COMMD6: variants seen among roughly 807,000 people sequenced by gnomAD.
COMMD6 encodes the protein COMM domain containing 6, also known as COMM domain-containing protein 6.
In COMMD6, 11 loss-of-function variants were observed where a neutral mutation model predicts 13.4. The observed-to-expected ratio is 0.82, with a 90% CI of 0.52 to 1.36. COMMD6 has a LOEUF of 1.36. COMMD6 is among the 40% of genes most tolerant of loss of function. COMMD6 has a pLI of 0.00. For synonymous variants in COMMD6, 43 were observed against 36.5 expected (o/e 1.18, Z -0.64); for missense variants, 124 against 102.4 (o/e 1.21, Z -0.91).
rs1031085734 is a variant in COMMD6 at position 75,526,532 on chromosome 13, G to A, written c.*57C>T. On this transcript the variant is annotated 3_prime_UTR_variant, in exon 4 of 4. Transcript: ENST00000682242. Reference sequence around the variant, plus strand: ...TCCATCCTTATTTAGTTTTGTTGCCGAAAGTGAAGTCCATGACTTTAGAAT... The same window carrying A: ...TCCATCCTTATTTAGTTTTGTTGCCAAAAGTGAAGTCCATGACTTTAGAAT... 1.8e-5 allele frequency: 21 copies of A among 1,188,626 alleles called. No individual in the cohort carries two copies. Among genetic ancestry groups the A allele is most frequent in the Middle Eastern group, 2.0e-4 (1 of 4,984 alleles). The allele number at this position is 1,188,626 out of a possible 1,614,324, so 73.6% of individuals were successfully genotyped here.
intron 2 of COMMD6, among the ~76,000 whole-genome samples, chr13:75,534,879 G>C (rs1006171139): frequency 2.6e-5 from 4 of 152,198 alleles, no homozygotes; most frequent in African/African-American, 9.7e-5. Flanking sequence ...TTGAGTAAGA[G>C]AGGGAGGCCT....
intron 1 of COMMD6, among the ~76,000 whole-genome samples, chr13:75,545,079 A>G (rs928022985): frequency 2.6e-5 from 4 of 152,242 alleles, no homozygotes; most frequent in African/African-American, 9.6e-5. Flanking sequence ...GTATGTTTTC[A>G]AGCACTGCCA....
upstream of COMMD6, among the ~76,000 whole-genome samples, chr13:75,541,161 T>TA (rs1566201908): frequency 6.6e-6 from 1 of 152,058 alleles, no homozygotes; most frequent in Non-Finnish European, 1.5e-5. Context: ...TGGTTGGTTT[T>TA]AAAAAAAATC....
In COMMD6 at chr13:75,531,806, T is replaced by C. The variant is rs192113441; in HGVS notation, c.55-1540A>G. Among the ~76,000 whole-genome samples the C allele has an allele frequency of 5.9e-4, 90 of 152,356 alleles. 1 individual carries two copies. The highest frequency in any genetic ancestry group is 3.6e-3 in the Admixed American group (55 of 15,306). ...AATCTATCAAAGAGCTGACTTTAGCTAGTAAAACTGAAGCTCTGCATACTG... is the reference window on the plus strand; with the variant it reads ...AATCTATCAAAGAGCTGACTTTAGCCAGTAAAACTGAAGCTCTGCATACTG... On this transcript the variant is annotated intron_variant, in intron 2 of 3. Transcript: ENST00000682242.
At chr13:75,537,274 G>A (rs894789577) in intron 2 of COMMD6, 41 of 1,497,754 alleles carry the variant, frequency 2.7e-5, no homozygotes, top group Non-Finnish European at 3.7e-5. Context: ...ACTCTAAAAG[G>A]CTAAAATGCT....
intron 2 of COMMD6, among the ~76,000 whole-genome samples, chr13:75,537,146 T>C (rs910521024): frequency 6.6e-6 from 1 of 152,260 alleles, no homozygotes; most frequent in African/African-American, 2.4e-5. Flanking sequence ...AAGTGTGTTA[T>C]AAATTATTTG....
chr13:75,531,536 T>G (rs1426262623), intron 2 of COMMD6, among the ~76,000 whole-genome samples: 1 of 152,114 alleles, frequency 6.6e-6, no homozygotes, highest in Non-Finnish European at 1.5e-5. Flanking sequence ...TTGAATAAAT[T>G]CATTTTAAAG....
upstream of COMMD6, among the ~76,000 whole-genome samples, chr13:75,540,513 G>A (rs2030812184): frequency 6.6e-6 from 1 of 152,128 alleles, no homozygotes; most frequent in Non-Finnish European, 1.5e-5. Context: ...CAACATGAGT[G>A]CACTTCAAAA....
chr13:75,528,763 A>C (rs920013159), intron 3 of COMMD6, among the ~76,000 whole-genome samples: 1 of 151,748 alleles, frequency 6.6e-6, no homozygotes, highest in Non-Finnish European at 1.5e-5. Context: ...CATCGCTTGA[A>C]CCCAGGAGGC....
chr13:75,533,773 T>A (rs922673693), intron 2 of COMMD6, among the ~76,000 whole-genome samples: 1 of 152,028 alleles, frequency 6.6e-6, no homozygotes, highest in African/African-American at 2.4e-5. Flanking sequence ...TTATAAAAAA[T>A]TGAGCTTGGA....
At chr13:75,529,809 C>T (rs1000600234) in intron 3 of COMMD6, 42 of 216,932 alleles carry the variant, frequency 1.9e-4, no homozygotes, top group Admixed American at 1.7e-4. Flanking sequence ...AAGAATAAAA[C>T]ATTTAAATGC....
chr13:75,547,360 T>G (rs1414019494), intron 1 of COMMD6, among the ~76,000 whole-genome samples: 1 of 152,210 alleles, frequency 6.6e-6, no homozygotes, highest in African/African-American at 2.4e-5. Flanking sequence ...CCACGACAAC[T>G]TTGTGAGTAT....
chr13:75,531,309 TTCC>T (rs2138415115), intron 2 of COMMD6, among the ~76,000 whole-genome samples: 1 of 152,282 alleles, frequency 6.6e-6, no homozygotes, highest in East Asian at 1.9e-4. Context: ...AATAGAATGG[TTCC>T]CAAGTGTGCC....
At chr13:75,527,863 T>TG in intron 3 of COMMD6, 2 of 1,499,770 alleles carry the variant, frequency 1.3e-6, no homozygotes, top group Non-Finnish European at 1.8e-6. Context: ...TGGGGGTCAA[T>TG]GGGGAAATGT....
upstream of COMMD6, among the ~76,000 whole-genome samples, chr13:75,543,369 A>G (rs1051882370): frequency 1.3e-5 from 2 of 152,036 alleles, no homozygotes; most frequent in Non-Finnish European, 2.9e-5. Flanking sequence ...AGGAAAGAAA[A>G]TGGACTCTCC....
At position 75,537,429 on chromosome 13, in the gene COMMD6, C is replaced by T. The variant is rs575708547; in HGVS notation, c.54+235G>A. Reference sequence around the variant, plus strand: ...TGTCGCCTAATCAAAGCCCAACAATCCTTGATCTGCATTCTTCGGGCTAGT... The same window carrying T: ...TGTCGCCTAATCAAAGCCCAACAATTCTTGATCTGCATTCTTCGGGCTAGT... On this transcript the variant is annotated intron_variant, in intron 2 of 3. Coordinates refer to ENST00000682242, the MANE Select transcript of COMMD6 (RefSeq NM_203495.4). The T allele has an allele frequency of 4.2e-5, 65 of 1,551,310 alleles. No individual in the cohort carries two copies. In the African/African-American group the frequency reaches 8.2e-4, roughly 20 times the overall value.
upstream of COMMD6, among the ~76,000 whole-genome samples, chr13:75,540,346 A>C (rs1027451315): frequency 1.6e-5 from 2 of 123,590 alleles, no homozygotes; most frequent in African/African-American, 9.1e-5. Context: ...ACACACACCC[A>C]CACACACACA....
chr13:75,537,313 A>T (rs904438780), intron 2 of COMMD6: 6 of 1,547,368 alleles, frequency 3.9e-6, no homozygotes, highest in Non-Finnish European at 4.4e-6. Context: ...TAACTTAGAG[A>T]CTAAGAAAAT....
intron 3 of COMMD6, among the ~76,000 whole-genome samples, chr13:75,526,855 A>C (rs545030467): frequency 6.6e-6 from 1 of 152,290 alleles, no homozygotes; most frequent in East Asian, 1.9e-4. Flanking sequence ...CTTATGACTA[A>C]ACTTTTCAAA....
Sources: gnomAD v4.1 joint callset for allele counts (sites outside exome capture counted in the v4.1 genomes callset) on GRCh38, gnomAD v4.1.1 for gene constraint, MANE v1.5 for transcripts, NCBI Gene and HGNC (gene_info 2026-07-23, HGNC 2026-07-21) for gene names.